The following DIRAS2 variants were observed in gnomAD, a reference collection of about 807,000 sequenced individuals.
DIRAS2 encodes the protein DIRAS family GTPase 2.
DIRAS2 carries 5 observed loss-of-function variants against 13.9 expected under a neutral mutation model. That is an observed-to-expected ratio of 0.36 (90% confidence interval 0.19 to 0.76). DIRAS2 has a LOEUF of 0.76. Among genes scored for constraint, DIRAS2 ranks in the 30% least tolerant of loss-of-function variants. The pLI is 0.53. For synonymous variants in DIRAS2, 111 were observed against 105.4 expected (o/e 1.05, Z -0.33); for missense variants, 191 against 263.0 (o/e 0.73, Z 1.89).
chr9:90,620,154 C>T (rs1014275001), intron 1 of DIRAS2, among the ~76,000 whole-genome samples: 7 of 152,294 alleles, frequency 4.6e-5, no homozygotes, highest in Non-Finnish European at 8.8e-5. Context: ...GTACTAAAAA[C>T]CGCTGAAATG....
intron 1 of DIRAS2, among the ~76,000 whole-genome samples, chr9:90,639,742 A>G (rs1356224597): frequency 6.6e-6 from 1 of 152,238 alleles, no homozygotes; most frequent in Non-Finnish European, 1.5e-5. Context: ...AATCACAGGA[A>G]TTATTTGATC....
intron 1 of DIRAS2, among the ~76,000 whole-genome samples, chr9:90,619,909 ATAT>A (rs953668110): frequency 1.3e-5 from 2 of 152,220 alleles, no homozygotes; most frequent in Non-Finnish European, 2.9e-5. Context: ...AATCCTGAAA[ATAT>A]TATGGCAAGT....
chr9:90,636,180 G>A (rs1362256130), intron 1 of DIRAS2, among the ~76,000 whole-genome samples: 1 of 151,696 alleles, frequency 6.6e-6, no homozygotes, highest in Admixed American at 6.6e-5. Flanking sequence ...TGGGACTACA[G>A]GCGCCCGCCA....
chr9:90,625,946 G>A (rs1458097685), intron 1 of DIRAS2: 1 of 152,160 alleles, frequency 6.6e-6, no homozygotes, highest in Non-Finnish European at 1.5e-5. Flanking sequence ...CACTTTAGAA[G>A]ACTGGGGTGG....
rs1248733250 is a variant in DIRAS2, at chr9:90,611,464, C to T, written c.*1764G>A. 2.0e-5 allele frequency: 3 copies of T among 152,346 alleles called. No homozygotes were observed. Among genetic ancestry groups the T allele is most frequent in the African/African-American group, 7.2e-5 (3 of 41,416 alleles). The allele number at this position is 152,346 out of a possible 1,614,324, so 9.4% of individuals were successfully genotyped here. On this transcript the variant is annotated 3_prime_UTR_variant, in exon 2 of 2. Transcript: ENST00000375765. ...TCCCAAGGGTGAGTTATTGGGAGAC[C>T]AGAGAGGATGAGATCAGGACAAGGG... is the stretch of plus-strand genomic sequence containing the variant.
chr9:90,632,414 T>A (rs1212657103), intron 1 of DIRAS2, among the ~76,000 whole-genome samples: 1 of 152,146 alleles, frequency 6.6e-6, no homozygotes, highest in Non-Finnish European at 1.5e-5. Flanking sequence ...GGCCTCACTC[T>A]CTTGCCTCCC....
intron 1 of DIRAS2, among the ~76,000 whole-genome samples, chr9:90,619,971 A>G (rs1015022641): frequency 3.4e-4 from 51 of 149,688 alleles, no homozygotes; most frequent in African/African-American, 1.2e-3. Flanking sequence ...GTTCCATCAT[A>G]TGAAACATTC....
chr9:90,627,580 A>C (rs1344087914), intron 1 of DIRAS2, among the ~76,000 whole-genome samples: 1 of 152,204 alleles, frequency 6.6e-6, no homozygotes, highest in Non-Finnish European at 1.5e-5. Flanking sequence ...TGCGAGATGA[A>C]AAGATTCTTA....
chr9:90,633,942 A>G (rs1380869032), intron 1 of DIRAS2, among the ~76,000 whole-genome samples: 3 of 152,260 alleles, frequency 2.0e-5, no homozygotes, highest in South Asian at 2.1e-4. Flanking sequence ...TGGTGGCTAC[A>G]TGGTACACAG....
chr9:90,635,409 G>A (rs182819704), intron 1 of DIRAS2, among the ~76,000 whole-genome samples: 12 of 152,146 alleles, frequency 7.9e-5, no homozygotes, highest in South Asian at 4.2e-4. Flanking sequence ...AAAATATTGC[G>A]AAGCAACTTT....
intron 1 of DIRAS2, among the ~76,000 whole-genome samples, chr9:90,615,057 C>A (rs1825156485): frequency 6.6e-6 from 1 of 152,192 alleles, no homozygotes; most frequent in Admixed American, 6.5e-5. Flanking sequence ...TCATTCTTCT[C>A]AGCAAGCAGG....
At chr9:90,632,090 C>A in intron 1 of DIRAS2, among the ~76,000 whole-genome samples, 1 of 152,210 alleles carries the variant, frequency 6.6e-6, no homozygotes, top group African/African-American at 2.4e-5. Flanking sequence ...CATCACTTAC[C>A]TGCATGACTG....
intron 1 of DIRAS2, among the ~76,000 whole-genome samples, chr9:90,627,827 C>A (rs529355920): frequency 2.4e-4 from 36 of 152,232 alleles, no homozygotes; most frequent in African/African-American, 7.9e-4. Flanking sequence ...CCTCCTTATT[C>A]ATCCACACTA....
At chr9:90,623,400 A>G (rs1480894119) in intron 1 of DIRAS2, among the ~76,000 whole-genome samples, 3 of 152,146 alleles carry the variant, frequency 2.0e-5, no homozygotes, top group Non-Finnish European at 4.4e-5. Flanking sequence ...GGTTGAGCTA[A>G]ACTGTCTCAA....
intron 1 of DIRAS2, among the ~76,000 whole-genome samples, chr9:90,633,898 G>A (rs1474306181): frequency 6.6e-6 from 1 of 152,174 alleles, no homozygotes; most frequent in Non-Finnish European, 1.5e-5. Context: ...CACTTCCTGA[G>A]ACTTTGGTTG....
chr9:90,613,832 C>G lies in DIRAS2; in HGVS notation c.-5G>C. 1 of 1,605,768 alleles carries G rather than the reference C, an allele frequency of 6.2e-7. No homozygotes were observed. The highest frequency in any genetic ancestry group is 1.1e-5 in the South Asian group (1 of 90,188). ...ATCGTTACTCTGCTCAGGCATGTTG[C>G]TGGAGAGCTCCAACTCTCAGCCAGG... On this transcript the variant is annotated 5_prime_UTR_variant, in exon 2 of 2. Coordinates refer to ENST00000375765, the MANE Select transcript of DIRAS2 (RefSeq NM_017594.5). This position sits in a 1 kb window ranked among gnomAD's most constrained non-coding sequence, Gnocchi z 5.6.
chr9:90,623,869 G>A (rs2118558258), intron 1 of DIRAS2, among the ~76,000 whole-genome samples: 1 of 152,298 alleles, frequency 6.6e-6, no homozygotes, highest in South Asian at 2.1e-4. Context: ...ATGAGACCCT[G>A]TCTAAACAAA....
At chr9:90,634,222 C>T (rs1825351438) in intron 1 of DIRAS2, among the ~76,000 whole-genome samples, 2 of 152,160 alleles carry the variant, frequency 1.3e-5, no homozygotes, top group African/African-American at 4.8e-5. Flanking sequence ...TGGATGATAT[C>T]TGAACATGAG....
chr9:90,624,859 C>G (rs934730649), intron 1 of DIRAS2, among the ~76,000 whole-genome samples: 1 of 152,194 alleles, frequency 6.6e-6, no homozygotes, highest in East Asian at 1.9e-4. Context: ...GGACTACAGG[C>G]GGGCGCCACC....
Sources: allele counts gnomAD v4.1 joint callset (sites outside exome capture counted in the v4.1 genomes callset), GRCh38; gene constraint gnomAD v4.1.1; non-coding constraint Gnocchi (gnomAD v3.1); transcripts MANE v1.5; gene names NCBI Gene and HGNC (gene_info 2026-07-23, HGNC 2026-07-21).